The following NRG1 variants were observed in gnomAD, a reference collection of about 807,000 sequenced individuals.
NRG1 encodes the protein pro-neuregulin-1, membrane-bound isoform.
Under a neutral mutation model 63.8 loss-of-function variants are expected in NRG1, and 18 were observed. The ratio of observed to expected loss-of-function variants is 0.28; its 90% confidence interval spans 0.19 to 0.42. NRG1 has a LOEUF of 0.42. NRG1 is among the 10% of genes least tolerant of loss of function. The pLI, the probability that NRG1 is intolerant of heterozygous loss-of-function variation, is 1.00. For missense variants in NRG1, 762 were observed against 814.7 expected (o/e 0.94, Z 0.79); for synonymous variants, 302 against 301.3 (o/e 1.00, Z -0.02).
At chr8:31,666,815 T>G (rs1806592834) in intron 1 of NRG1, among the ~76,000 whole-genome samples, 1 of 152,224 alleles carries the variant, frequency 6.6e-6, no homozygotes. Flanking sequence ...ACATGTGGCA[T>G]TTCTGGCAGG....
rs374122760 is a variant in NRG1 at position 32,009,001 on chromosome 8, T to G, written c.37+369570T>G. 8.7e-4 allele frequency among the ~76,000 whole-genome samples: 132 copies of G among 152,212 alleles called. No homozygotes were observed. The South Asian group carries it at 0.023, about 26-fold the overall frequency. On this transcript the variant is annotated intron_variant, in intron 1 of 10. Coordinates refer to the NRG1 transcript ENST00000519301. ...GTCACAGGTGGGATATTTTTGAAGATGTACTCACTTCAGCACAGGTGAACC... is the reference window on the plus strand; with the variant it reads ...GTCACAGGTGGGATATTTTTGAAGAGGTACTCACTTCAGCACAGGTGAACC...
chr8:32,665,712 A>C (rs1803975771), intron 5 of NRG1, among the ~76,000 whole-genome samples: 1 of 152,212 alleles, frequency 6.6e-6, no homozygotes, highest in Admixed American at 6.5e-5. Flanking sequence ...GCTCAAAAAC[A>C]AGCCATTGAT....
chr8:32,629,010 A>G (rs1186696923), intron 5 of NRG1, among the ~76,000 whole-genome samples: 2 of 152,184 alleles, frequency 1.3e-5, no homozygotes, highest in Admixed American at 1.3e-4. Context: ...CTGGTATTAC[A>G]GGCATGAACC....
intron 1 of NRG1, among the ~76,000 whole-genome samples, chr8:32,469,655 T>C (rs1823522093): frequency 6.6e-6 from 1 of 152,078 alleles, no homozygotes; most frequent in African/African-American, 2.4e-5. Flanking sequence ...TAAATATCAG[T>C]AAAAGGAAAT....
At chr8:31,983,388 C>T (rs1430174800) in intron 1 of NRG1, among the ~76,000 whole-genome samples, 1 of 151,882 alleles carries the variant, frequency 6.6e-6, no homozygotes, top group Non-Finnish European at 1.5e-5. Context: ...TCTAAAAATA[C>T]TCTTTTTGAG....
intron 5 of NRG1, among the ~76,000 whole-genome samples, chr8:32,692,609 T>A (rs560845627): frequency 6.6e-6 from 1 of 152,350 alleles, no homozygotes; most frequent in Non-Finnish European, 1.5e-5. Flanking sequence ...AATATTTGTG[T>A]GTGCAATGAA....
At chr8:32,295,776 C>T (rs1190727908) in intron 1 of NRG1, among the ~76,000 whole-genome samples, 3 of 151,882 alleles carry the variant, frequency 2.0e-5, no homozygotes, top group South Asian at 4.2e-4. Flanking sequence ...GGTAGAACCT[C>T]GTCTTTACTA....
chr8:32,671,882 G>A (rs1805732500), intron 5 of NRG1, among the ~76,000 whole-genome samples: 1 of 152,070 alleles, frequency 6.6e-6, no homozygotes, highest in African/African-American at 2.4e-5. Flanking sequence ...CACTTTAAGT[G>A]AAAAGAAAAA....
chr8:31,975,637 C>T (rs909329664), intron 1 of NRG1, among the ~76,000 whole-genome samples: 1 of 152,164 alleles, frequency 6.6e-6, no homozygotes, highest in African/African-American at 2.4e-5. Context: ...TCAGTCCTGA[C>T]CAAAACTATC....
rs1826557734 is a variant in NRG1, at chr8:32,742,412, G to A, written c.633-263G>A. On this transcript the variant is annotated intron_variant, in intron 6 of 11. Transcript: ENST00000356819. This position sits in a 1 kb window ranked among gnomAD's most constrained non-coding sequence, Gnocchi z 4.2. ...AAAACATCGGATTTCATTTTAAGGG[G>A]TTCCCTTTGAAAGAAGGCAACCACT... Among the ~76,000 whole-genome samples, 1 of 152,004 alleles carries A rather than the reference G, an allele frequency of 6.6e-6. No homozygotes were observed. The highest frequency in any genetic ancestry group is 1.5e-5 in the Non-Finnish European group (1 of 68,012).
intron 1 of NRG1, among the ~76,000 whole-genome samples, chr8:32,439,317 T>C (rs1819207995): frequency 6.6e-6 from 1 of 152,198 alleles, no homozygotes; most frequent in African/African-American, 2.4e-5. Flanking sequence ...AACTCATAAT[T>C]TGTCATTTCT....
intron 1 of NRG1, among the ~76,000 whole-genome samples, chr8:32,356,063 C>A (rs6983540): frequency 0.13 from 19,906 of 152,040 alleles, 1,567 homozygotes; most frequent in Middle Eastern, 0.2. Flanking sequence ...TACCATGACT[C>A]ACCAGGAGGA....
At chr8:31,916,993 T>C (rs1377099778) in intron 1 of NRG1, among the ~76,000 whole-genome samples, 1 of 152,020 alleles carries the variant, frequency 6.6e-6, no homozygotes, top group Non-Finnish European at 1.5e-5. Context: ...TTTGGCTGCA[T>C]AAATGTCTTC....
rs185550773 is a variant in NRG1, at chr8:32,321,026, G to C, written c.38-274802G>C. On this transcript the variant is annotated intron_variant, in intron 1 of 10. Coordinates refer to the NRG1 transcript ENST00000519301. ...GGGGAGAAATTATTCTTGAGATCTT[G>C]CTTCTTTGAAATATGGTTCTTCTCA... is the stretch of plus-strand genomic sequence containing the variant. 2.2e-3 allele frequency among the ~76,000 whole-genome samples: 340 copies of C among 152,100 alleles called. 1 individual carries two copies. The highest frequency in any genetic ancestry group is 5.0e-3 in the Admixed American group (77 of 15,256).
intron 1 of NRG1, among the ~76,000 whole-genome samples, chr8:31,662,468 C>A (rs935770401): frequency 4.6e-5 from 7 of 152,176 alleles, no homozygotes; most frequent in African/African-American, 1.7e-4. Context: ...ATGTTGAAGT[C>A]TTTGCATTTT....
intron 1 of NRG1, among the ~76,000 whole-genome samples, chr8:31,935,776 C>G (rs760606417): frequency 6.6e-6 from 1 of 152,194 alleles, no homozygotes; most frequent in Non-Finnish European, 1.5e-5. Flanking sequence ...CTGGTCTTTT[C>G]ATGACTACAC....
Position 32,156,614 on chromosome 8 carries a change from C to CAT in NRG1, c.38-439209_38-439208dup, listed in dbSNP as rs147215109. On this transcript the variant is annotated intron_variant, in intron 1 of 10. Coordinates refer to the NRG1 transcript ENST00000519301. ...TTCAGGCCCTGTATCCCCATTCCCTCATATATGTGGTTGGAACCATAGAAG... is the reference window on the plus strand; with the variant it reads ...TTCAGGCCCTGTATCCCCATTCCCTCATATATATGTGGTTGGAACCATAGAAG... Among the ~76,000 whole-genome samples, 865 of 152,300 alleles carry CAT rather than the reference C, an allele frequency of 5.7e-3. 3 individuals carry two copies. Among genetic ancestry groups the CAT allele is most frequent in the South Asian group, 0.022 (107 of 4,826 alleles).
intron 1 of NRG1, among the ~76,000 whole-genome samples, chr8:32,039,525 G>GTGA (rs1357667654): frequency 6.6e-6 from 1 of 152,194 alleles, no homozygotes; most frequent in Non-Finnish European, 1.5e-5. Context: ...TATAGTAAAT[G>GTGA]TGAATGTTTA....
At position 32,093,492 on chromosome 8, in the gene NRG1, C is replaced by T. The variant is rs147586910; in HGVS notation, c.37+454061C>T. The stretch of plus-strand genomic sequence containing the variant: ...AAAATTTCATGTGGCAAGTGCTTCT[C>T]CTGGCAGCAGGAATATCCTTGTACC... On this transcript the variant is annotated intron_variant, in intron 1 of 10. Transcript: ENST00000519301. 2.3e-3 allele frequency among the ~76,000 whole-genome samples: 356 copies of T among 152,300 alleles called. 3 individuals are homozygous for T. Among genetic ancestry groups the T allele is most frequent in the African/African-American group, 8.2e-3 (339 of 41,558 alleles).
Sources: gnomAD v4.1 joint callset for allele counts (sites outside exome capture counted in the v4.1 genomes callset) on GRCh38, gnomAD v4.1.1 for gene constraint, Gnocchi (gnomAD v3.1) non-coding constraint, MANE v1.5 for transcripts, NCBI Gene and HGNC (gene_info 2026-07-23, HGNC 2026-07-21) for gene names.